The following ICE2 variants were observed in gnomAD, a reference collection of about 807,000 sequenced individuals.
ICE2 encodes the protein little elongation complex subunit 2.
A neutral mutation model predicts 105.4 loss-of-function variants in ICE2; 87 were observed. That is an observed-to-expected ratio of 0.83 (90% CI 0.69 to 0.99). The LOEUF (loss-of-function observed/expected upper bound fraction) is 0.99. ICE2 is among the 50% of genes least tolerant of loss of function. The pLI is 0.00. For synonymous variants in ICE2, 399 were observed against 392.0 expected (o/e 1.02, Z -0.21); for missense variants, 1,323 against 1,146.7 (o/e 1.15, Z -2.22).
At chr15:60,463,065 T>C (rs556293941) in intron 5 of ICE2, among the ~76,000 whole-genome samples, 68 of 152,312 alleles carry the variant, frequency 4.5e-4, no homozygotes, top group Admixed American at 2.2e-3. Context: ...TTGTGTTAGA[T>C]GATTATGCCT....
chr15:60,470,589 A>C (rs1208547921), intron 3 of ICE2, among the ~76,000 whole-genome samples: 1 of 152,198 alleles, frequency 6.6e-6, no homozygotes, highest in Admixed American at 6.5e-5. Context: ...ATTATCTCTT[A>C]CCAGATACAA....
At chr15:60,461,554 CTT>C (rs2064277775) in intron 5 of ICE2, among the ~76,000 whole-genome samples, 1 of 152,036 alleles carries the variant, frequency 6.6e-6, no homozygotes, top group Non-Finnish European at 1.5e-5. Flanking sequence ...ACAGTGCAAT[CTT>C]TTAAAAAATG....
chr15:60,429,812 T>A (rs750712522), intron 14 of ICE2, among the ~76,000 whole-genome samples: 4 of 152,194 alleles, frequency 2.6e-5, no homozygotes, highest in Non-Finnish European at 5.9e-5. Context: ...ATAGTAGGAA[T>A]AAATAACATT....
intron 2 of ICE2, 83 bp downstream of exon 2, chr15:60,477,854 T>C: frequency 8.2e-7 from 1 of 1,213,550 alleles, no homozygotes; most frequent in Non-Finnish European, 1.2e-6. Flanking sequence ...CAAATCTCTC[T>C]ATGCCAGAAA....
intron 1 of ICE2, 191 bp downstream of exon 1, chr15:60,478,812 A>G (rs995852239): frequency 5.3e-6 from 2 of 374,338 alleles, no homozygotes; most frequent in Admixed American, 6.3e-5. Flanking sequence ...ACGCAAAGAG[A>G]GGGGAAACAA....
chr15:60,448,315 T>G (rs567223375), intron 10 of ICE2, among the ~76,000 whole-genome samples, 170 bp from the exon 11 acceptor site: 2 of 152,354 alleles, frequency 1.3e-5, no homozygotes, highest in African/African-American at 4.8e-5. Flanking sequence ...TTACTGGAAC[T>G]GCAGTAAGAG....
At chr15:60,454,081 C>T (rs1210696897) in intron 8 of ICE2, among the ~76,000 whole-genome samples, 3 of 152,026 alleles carry the variant, frequency 2.0e-5, no homozygotes, top group African/African-American at 7.2e-5. Context: ...TAGGAACTTG[C>T]AAAAAGTGAT....
At chr15:60,469,306 G>T (rs2064518157) in intron 3 of ICE2, among the ~76,000 whole-genome samples, 1 of 152,070 alleles carries the variant, frequency 6.6e-6, no homozygotes, top group African/African-American at 2.4e-5. Flanking sequence ...GTGGGGTTGG[G>T]GTAGGAGAAC....
In ICE2 at chr15:60,449,375, G is replaced by T; in HGVS notation, c.1592C>A (p.Thr531Asn). 4 of 1,612,900 alleles carry T rather than the reference G, an allele frequency of 2.5e-6. No homozygotes were observed. Among genetic ancestry groups the T allele is most frequent in the Non-Finnish European group, 3.4e-6 (4 of 1,179,438 alleles). ...EIETSNKNDM[T>N]IDILHADGER... The stretch of plus-strand genomic sequence containing the variant: ...ACCATCAGCATGTAATATATCTATA[G>T]TCATATCATTTTTATTAGAAGTTTC... Residue 531 changes from threonine to asparagine, a missense_variant, in exon 10 of 16, where the codon ACT becomes AAT. By Grantham distance (65) the Thr-to-Asn change is moderately conservative (BLOSUM62 0). Transcript: ENST00000261520.
rs1470676802 is a variant in ICE2 at position 60,449,214 on chromosome 15, T to C, written c.1753A>G (p.Lys585Glu). ...GCTGTCTTTCCATCACTATTATTTTTACATTCTGTATCAATGATTAAACAC... is the reference window on the plus strand; with the variant it reads ...GCTGTCTTTCCATCACTATTATTTTCACATTCTGTATCAATGATTAAACAC... ...EECLIIDTECKNNSDGKTAVV... is the reference protein window; with the variant it reads ...EECLIIDTECENNSDGKTAVV... The change falls in exon 10 of 16, where the codon AAA (lysine) becomes GAA (glutamate). Residue 585 changes from lysine to glutamate, a missense_variant. Coordinates refer to ENST00000261520, the MANE Select transcript of ICE2 (RefSeq NM_024611.6). 6.2e-7 allele frequency: 1 copy of C among 1,614,008 alleles called. No individual in the cohort carries two copies. The highest frequency in any genetic ancestry group is 8.5e-7 in the Non-Finnish European group (1 of 1,180,030).
intron 13 of ICE2, among the ~76,000 whole-genome samples, chr15:60,435,420 A>T (rs781121383): frequency 1.3e-5 from 2 of 151,972 alleles, no homozygotes; most frequent in Non-Finnish European, 2.9e-5. Flanking sequence ...ACCAATATGG[A>T]GAAACCCTGT....
chr15:60,476,748 T>C (rs988968428), intron 2 of ICE2, among the ~76,000 whole-genome samples: 22 of 152,200 alleles, frequency 1.4e-4, no homozygotes, highest in African/African-American at 5.1e-4. Context: ...ATGCTTTCCA[T>C]ATAGTTAGGC....
intron 11 of ICE2, chr15:60,445,576 A>G (rs1012934005): frequency 1.0e-6 from 1 of 962,762 alleles, no homozygotes. Flanking sequence ...CTATTTAGAC[A>G]GTCTTTAGGG....
chr15:60,445,192 T>C (rs1451920069), intron 11 of ICE2, among the ~76,000 whole-genome samples: 2 of 152,194 alleles, frequency 1.3e-5, no homozygotes, highest in Non-Finnish European at 2.9e-5. Context: ...TTCTAAGTAT[T>C]TCAAAGCTCT....
chr15:60,466,767 A>G lies in ICE2; in HGVS notation c.409-54T>C, dbSNP rs1356528013. The G allele has an allele frequency of 3.6e-6, 5 of 1,405,566 alleles. No homozygotes were observed. In the East Asian group the frequency reaches 9.2e-5, roughly 26 times the overall value. The allele number at this position is 1,405,566 out of a possible 1,614,324, so 87.1% of individuals were successfully genotyped here. On this transcript the variant is annotated intron_variant, in intron 4 of 15. Coordinates refer to ENST00000261520, the MANE Select transcript of ICE2 (RefSeq NM_024611.6). ...GGGATAAAAAGTTTCATTAAAAAGA[A>G]TCACATTCTTAATCATTGCTATAAT...
chr15:60,431,136 T>C (rs2063449912), intron 14 of ICE2, among the ~76,000 whole-genome samples: 1 of 152,112 alleles, frequency 6.6e-6, no homozygotes, highest in East Asian at 1.9e-4. Flanking sequence ...CCTCCCAAAG[T>C]GCTGGGATTA....
chr15:60,462,962 A>C (rs533531701), intron 5 of ICE2, among the ~76,000 whole-genome samples: 1 of 152,356 alleles, frequency 6.6e-6, no homozygotes, highest in Non-Finnish European at 1.5e-5. Flanking sequence ...TGATTTTCCA[A>C]ATTTATGATG....
At chr15:60,467,617 A>C (rs530163852) in intron 4 of ICE2, among the ~76,000 whole-genome samples, 2 of 152,340 alleles carry the variant, frequency 1.3e-5, no homozygotes, top group South Asian at 4.1e-4. Context: ...CAATTTATGC[A>C]TGTGTAACTG....
chr15:60,464,967 G>T (rs1178924142), intron 5 of ICE2, among the ~76,000 whole-genome samples: 1 of 152,152 alleles, frequency 6.6e-6, no homozygotes, highest in Admixed American at 6.5e-5. Flanking sequence ...TTGTGCCACT[G>T]CACTCCAGCC....
Sources: gnomAD v4.1 joint callset for allele counts (sites outside exome capture counted in the v4.1 genomes callset) on GRCh38, gnomAD v4.1.1 for gene constraint, MANE v1.5 for transcripts, NCBI Gene and HGNC (gene_info 2026-07-23, HGNC 2026-07-21) for gene names.